Variants in MAP2K5 observed in about 807,000 individuals in gnomAD.
MAP2K5 encodes dual specificity mitogen-activated protein kinase kinase 5.
MAP2K5 carries 49 observed loss-of-function variants against 83.1 expected under a neutral mutation model. That is an observed-to-expected ratio of 0.59 (90% CI 0.47 to 0.75). The LOEUF is 0.75. Ranked by LOEUF, MAP2K5 falls within the 30% of genes least tolerant of loss-of-function variation. The pLI is 0.00. For missense variants in MAP2K5, 457 were observed against 557.5 expected (o/e 0.82, Z 1.82); for synonymous variants, 202 against 191.8 (o/e 1.05, Z -0.44).
chr15:67,586,987 A>G, intron 6 of MAP2K5, 74 bp downstream of exon 6: 1 of 1,490,712 alleles, frequency 6.7e-7, no homozygotes, highest in Non-Finnish European at 9.4e-7. Context: ...GGAAGAAGCT[A>G]GAAAGAAATT....
Position 67,724,387 on chromosome 15 carries a change from T to TA in MAP2K5, c.1045-3529_1045-3528insA, listed in dbSNP as rs1555401461. 6.6e-6 allele frequency among the ~76,000 whole-genome samples: 1 copy of TA among 151,924 alleles called. No individual in the cohort carries two copies. The highest frequency in any genetic ancestry group is 1.5e-5 in the Non-Finnish European group (1 of 67,990). On this transcript the variant is annotated intron_variant, in intron 16 of 21. Coordinates refer to ENST00000178640, the MANE Select transcript of MAP2K5 (RefSeq NM_145160.3). This position sits in a 1 kb window ranked among gnomAD's most constrained non-coding sequence, Gnocchi z 4.4. The stretch of plus-strand genomic sequence containing the variant: ...ACAGCCTCGTGGAGAACTCGTTCTT[T>TA]TTTATTTATTTATTTATTTATTTTT...
In MAP2K5 at chr15:67,543,623, A is replaced by T. The variant is rs1446531159; in HGVS notation, c.135+153A>T. Among the ~76,000 whole-genome samples the T allele has an allele frequency of 3.9e-5, 6 of 152,120 alleles. No individual in the cohort carries two copies. The highest frequency in any genetic ancestry group is 3.3e-4 in the Admixed American group (5 of 15,276). On this transcript the variant is annotated intron_variant, in intron 1 of 21. Coordinates refer to ENST00000178640, the MANE Select transcript of MAP2K5 (RefSeq NM_145160.3). The surrounding 1 kb of genome is among the most constrained non-coding windows in gnomAD (Gnocchi z 4.3). ...TATTGCTTCAGGCACAGCATTGATA[A>T]ATTGCAACCACTAAAACCTGGCAAA...
At chr15:67,761,327 C>T (rs1343370320) in intron 19 of MAP2K5, among the ~76,000 whole-genome samples, 1 of 152,152 alleles carries the variant, frequency 6.6e-6, no homozygotes, top group Non-Finnish European at 1.5e-5. Flanking sequence ...CTTAAACCAG[C>T]TTTAAATTCC....
intron 21 of MAP2K5, among the ~76,000 whole-genome samples, chr15:67,798,062 C>A (rs1375923350): frequency 6.6e-6 from 1 of 152,190 alleles, no homozygotes; most frequent in African/African-American, 2.4e-5. Context: ...TGTCTTTAAA[C>A]CTCCATCACC....
At chr15:67,557,438 T>A (rs1474418625) in intron 2 of MAP2K5, among the ~76,000 whole-genome samples, 2 of 152,228 alleles carry the variant, frequency 1.3e-5, no homozygotes, top group African/African-American at 4.8e-5. Context: ...AAACCGTGTG[T>A]CTGAGTTTGG....
intron 11 of MAP2K5, among the ~76,000 whole-genome samples, chr15:67,650,459 G>C (rs2086925827): frequency 1.3e-5 from 2 of 150,472 alleles, no homozygotes; most frequent in Non-Finnish European, 3.0e-5. Flanking sequence ...CCATGGGTTT[G>C]GAATAGTTGT....
At chr15:67,582,525 A>G (rs902057103) in intron 4 of MAP2K5, among the ~76,000 whole-genome samples, 3 of 151,960 alleles carry the variant, frequency 2.0e-5, no homozygotes, top group Non-Finnish European at 4.4e-5. Flanking sequence ...TATCCTGGAG[A>G]AATATACTTC....
At chr15:67,661,848 C>G (rs1460872402) in intron 12 of MAP2K5, among the ~76,000 whole-genome samples, 1 of 152,042 alleles carries the variant, frequency 6.6e-6, no homozygotes, top group Non-Finnish European at 1.5e-5. Flanking sequence ...AGATGATCAC[C>G]TCCATGCTAA....
chr15:67,574,774 G>A (rs1225773697), intron 3 of MAP2K5, among the ~76,000 whole-genome samples: 1 of 152,016 alleles, frequency 6.6e-6, no homozygotes, highest in African/African-American at 2.4e-5. Context: ...GGCTGAGACA[G>A]GAGAATCATT....
At chr15:67,798,922 G>A (rs2090653316) in intron 21 of MAP2K5, among the ~76,000 whole-genome samples, 1 of 152,156 alleles carries the variant, frequency 6.6e-6, no homozygotes, top group East Asian at 1.9e-4. Flanking sequence ...TGTAATCCCA[G>A]CACTTTGGGA....
Position 67,801,698 on chromosome 15 carries a change from T to G in MAP2K5, c.1243-4948T>G, listed in dbSNP as rs368216800. On this transcript the variant is annotated intron_variant, in intron 21 of 21. Coordinates refer to ENST00000178640, the MANE Select transcript of MAP2K5 (RefSeq NM_145160.3). This position sits in a 1 kb window ranked among gnomAD's most constrained non-coding sequence, Gnocchi z 4.8. Reference sequence around the variant, plus strand: ...CCGGGAGGGTTCAGGAGAGCTGTGGTCAGATGTAAGGCATTCAGCCAATGC... The same window carrying G: ...CCGGGAGGGTTCAGGAGAGCTGTGGGCAGATGTAAGGCATTCAGCCAATGC... Among the ~76,000 whole-genome samples the G allele has an allele frequency of 6.6e-6, 1 of 152,138 alleles. No individual in the cohort carries two copies. The highest frequency in any genetic ancestry group is 1.9e-4 in the East Asian group (1 of 5,190).
At chr15:67,658,129 A>C (rs2087135183) in intron 11 of MAP2K5, among the ~76,000 whole-genome samples, 1 of 152,154 alleles carries the variant, frequency 6.6e-6, no homozygotes, top group African/African-American at 2.4e-5. Context: ...GGTTCTCTGC[A>C]TATATTCCAG....
intron 8 of MAP2K5, among the ~76,000 whole-genome samples, chr15:67,620,279 G>T (rs2086152531): frequency 6.6e-6 from 1 of 152,146 alleles, no homozygotes; most frequent in Non-Finnish European, 1.5e-5. Context: ...GCTGAGGCAG[G>T]AGAATCGCTT....
chr15:67,798,881 G>T (rs1264209584), intron 21 of MAP2K5, among the ~76,000 whole-genome samples: 1 of 152,040 alleles, frequency 6.6e-6, no homozygotes, highest in African/African-American at 2.4e-5. Flanking sequence ...GAAATCAGAG[G>T]CCAAGACAGC....
intron 1 of MAP2K5, among the ~76,000 whole-genome samples, chr15:67,548,763 A>G (rs764473354): frequency 1.4e-4 from 21 of 152,342 alleles, no homozygotes; most frequent in Non-Finnish European, 2.4e-4. Context: ...ATTTTTTAAC[A>G]CTAAAATCTT....
chr15:67,616,982 A>G (rs1278737186), intron 8 of MAP2K5, among the ~76,000 whole-genome samples: 2 of 152,190 alleles, frequency 1.3e-5, no homozygotes, highest in Non-Finnish European at 2.9e-5. Context: ...CATTTAGTTC[A>G]TGTGGTTAAT....
rs941381794 is a variant in MAP2K5 at position 67,722,631 on chromosome 15, C to T, written c.1045-5285C>T. Among the ~76,000 whole-genome samples, 2 of 152,126 alleles carry T rather than the reference C, an allele frequency of 1.3e-5. No homozygotes were observed. Among genetic ancestry groups the T allele is most frequent in the African/African-American group, 4.8e-5 (2 of 41,440 alleles). ...CCAGCATAGTTTCAGATGATTTAAA[C>T]TCTTTCTCTAGGACTGTGTAAATTG... On this transcript the variant is annotated intron_variant, in intron 16 of 21. Transcript: ENST00000178640. The surrounding 1 kb of genome is among the most constrained non-coding windows in gnomAD (Gnocchi z 4.2).
intron 14 of MAP2K5, among the ~76,000 whole-genome samples, chr15:67,693,282 T>C (rs2088162318): frequency 6.6e-6 from 1 of 152,238 alleles, no homozygotes. Context: ...CTTAAGTGAA[T>C]TGTTTAAGGT....
intron 2 of MAP2K5, among the ~76,000 whole-genome samples, chr15:67,557,551 T>A (rs1389507163): frequency 1.3e-5 from 2 of 152,246 alleles, no homozygotes; most frequent in Admixed American, 1.3e-4. Context: ...TTCAGCTGTT[T>A]TATGAACTGC....
Sources: gnomAD v4.1 joint callset for allele counts (sites outside exome capture counted in the v4.1 genomes callset) on GRCh38, gnomAD v4.1.1 for gene constraint, Gnocchi (gnomAD v3.1) non-coding constraint, MANE v1.5 for transcripts, NCBI Gene and HGNC (gene_info 2026-07-23, HGNC 2026-07-21) for gene names.